Variants in PTK2B observed in about 807,000 individuals in gnomAD.
The protein encoded by PTK2B is protein tyrosine kinase 2 beta, also known as protein-tyrosine kinase 2-beta.
PTK2B carries 71 observed loss-of-function variants against 142.9 expected under a neutral mutation model. The ratio of observed to expected loss-of-function variants is 0.50; its 90% CI spans 0.41 to 0.61. PTK2B has a LOEUF of 0.61. PTK2B is among the 20% of genes least tolerant of loss of function. The pLI is 0.00. For synonymous variants in PTK2B, 519 were observed against 503.4 expected, an observed-to-expected ratio of 1.03 and a Z score of -0.42; for missense variants, 1,105 against 1,320.4, an observed-to-expected ratio of 0.84 and a Z score of 2.53.
intron 30 of PTK2B, among the ~76,000 whole-genome samples, chr8:27,458,009 G>T (rs1224251368): frequency 6.8e-6 from 1 of 147,858 alleles, no homozygotes; most frequent in Non-Finnish European, 1.5e-5. Context: ...GATCAGATTC[G>T]CATTTTAGAA....
chr8:27,362,723 G>A (rs1004502920), intron 1 of PTK2B, among the ~76,000 whole-genome samples: 9 of 151,950 alleles, frequency 5.9e-5, no homozygotes, highest in African/African-American at 1.9e-4. Flanking sequence ...ACCCAGCCTC[G>A]GGAGCCTGTC....
intron 1 of PTK2B, among the ~76,000 whole-genome samples, chr8:27,337,159 A>C (rs1300251158): frequency 6.7e-6 from 1 of 149,968 alleles, no homozygotes; most frequent in Non-Finnish European, 1.5e-5. Context: ...TTTTTTTGAC[A>C]AGAGTCTTGT....
chr8:27,458,138 C>T (rs1219943619), intron 30 of PTK2B, among the ~76,000 whole-genome samples, 156 bp from the exon 31 acceptor site: 6 of 152,130 alleles, frequency 3.9e-5, no homozygotes, highest in Admixed American at 6.5e-5. Flanking sequence ...CGACCCTGCA[C>T]GGGGTGTTGC....
chr8:27,442,778 C>T, intron 21 of PTK2B, 97 bp from the exon 22 acceptor site: 2 of 1,045,048 alleles, frequency 1.9e-6, no homozygotes, highest in Non-Finnish European at 2.9e-6. Flanking sequence ...CAACCTTGCC[C>T]AGGCCTCTCT....
At chr8:27,311,239 A>G, upstream of PTK2B, 1 of 1,521,010 alleles carries the variant, frequency 6.6e-7, no homozygotes, top group Non-Finnish European at 8.8e-7. Context: ...GCTCCATGGC[A>G]CGAGCAGCCG....
intron 2 of PTK2B, among the ~76,000 whole-genome samples, chr8:27,409,698 C>T (rs933468626): frequency 1.3e-5 from 2 of 152,186 alleles, no homozygotes; most frequent in African/African-American, 4.8e-5. Context: ...CTCAGAGTGA[C>T]ACCTTCTTAA....
At chr8:27,331,193 A>G (rs868479933) in intron 1 of PTK2B, among the ~76,000 whole-genome samples, 1 of 152,054 alleles carries the variant, frequency 6.6e-6, no homozygotes, top group African/African-American at 2.4e-5. Flanking sequence ...AATTGGACCA[A>G]TTCTCCCAAT....
At chr8:27,413,358 C>T (rs1809188065) in intron 2 of PTK2B, among the ~76,000 whole-genome samples, 1 of 152,198 alleles carries the variant, frequency 6.6e-6, no homozygotes, top group Non-Finnish European at 1.5e-5. Flanking sequence ...CCATAGACGC[C>T]ATCCAGATTT....
At chr8:27,339,324 G>A (rs1233346307) in intron 1 of PTK2B, among the ~76,000 whole-genome samples, 1 of 152,190 alleles carries the variant, frequency 6.6e-6, no homozygotes, top group East Asian at 1.9e-4. Flanking sequence ...GGTTGCTGAT[G>A]TTTTGTGTGG....
intron 2 of PTK2B, among the ~76,000 whole-genome samples, chr8:27,408,641 C>A (rs1808870696): frequency 6.6e-6 from 1 of 152,198 alleles, no homozygotes; most frequent in East Asian, 1.9e-4. Context: ...AGCCAAAAGC[C>A]TTGGCCCCCA....
chr8:27,395,062 G>A (rs899969475), intron 1 of PTK2B, among the ~76,000 whole-genome samples: 1 of 151,492 alleles, frequency 6.6e-6, no homozygotes, highest in South Asian at 2.1e-4. Context: ...CTGTTTTACA[G>A]TTAACTTTTT....
At chr8:27,433,026 C>T (rs1231138522) in intron 10 of PTK2B, among the ~76,000 whole-genome samples, 2 of 152,116 alleles carry the variant, frequency 1.3e-5, no homozygotes, top group African/African-American at 2.4e-5. Context: ...AGGGTTTCAC[C>T]ATGTTGGCCA....
intron 18 of PTK2B, among the ~76,000 whole-genome samples, chr8:27,438,245 G>A (rs1226242597): frequency 6.6e-6 from 1 of 152,150 alleles, no homozygotes; most frequent in Non-Finnish European, 1.5e-5. Flanking sequence ...GAAGGGACTG[G>A]GCTGGAGCAG....
intron 2 of PTK2B, among the ~76,000 whole-genome samples, chr8:27,411,638 C>T (rs563830929): frequency 1.7e-4 from 26 of 152,306 alleles, no homozygotes; most frequent in African/African-American, 5.5e-4. Context: ...TTCTCACCCT[C>T]GTTTGTATGA....
upstream of PTK2B, chr8:27,322,720 C>T (rs987080536): frequency 6.6e-6 from 1 of 152,180 alleles, no homozygotes; most frequent in Non-Finnish European, 1.5e-5. Flanking sequence ...GTCACAACCT[C>T]TTCCCTCTTG....
At chr8:27,443,027 A>G (rs777922027) in intron 22 of PTK2B, 44 bp downstream of exon 22, 1 of 1,501,920 alleles carries the variant, frequency 6.7e-7, no homozygotes, top group South Asian at 1.1e-5. Flanking sequence ...GTCAAAGCAA[A>G]GCCAGGTCCC....
At chr8:27,347,721 G>A (rs541207204) in intron 1 of PTK2B, among the ~76,000 whole-genome samples, 1 of 152,320 alleles carries the variant, frequency 6.6e-6, no homozygotes, top group South Asian at 2.1e-4. Context: ...CCATTGTGAA[G>A]TACTGGGGGT....
At chr8:27,457,845 G>A (rs1188444731) in intron 30 of PTK2B, among the ~76,000 whole-genome samples, 1 of 152,030 alleles carries the variant, frequency 6.6e-6, no homozygotes, top group East Asian at 1.9e-4. Flanking sequence ...CGTAATTGCA[G>A]GTGCCTGTAA....
In PTK2B at chr8:27,397,528, AC is replaced by A; in HGVS notation, c.-37-17del. ...CCTGTGTGGGGCTCTTTCAGGGCTGACCCTCTGCTGTCTCTGCAGGACTGCA... is the reference window on the plus strand; with the variant it reads ...CCTGTGTGGGGCTCTTTCAGGGCTGACCTCTGCTGTCTCTGCAGGACTGCA... On this transcript the variant is annotated intron_variant, in intron 1 of 30. Transcript: ENST00000346049. The A allele has an allele frequency of 6.3e-7, 1 of 1,584,926 alleles. No homozygotes were observed. The highest frequency in any genetic ancestry group is 8.7e-7 in the Non-Finnish European group (1 of 1,155,858).
Sources: gnomAD v4.1 joint callset for allele counts (sites outside exome capture counted in the v4.1 genomes callset) on GRCh38, gnomAD v4.1.1 for gene constraint, MANE v1.5 for transcripts, NCBI Gene and HGNC (gene_info 2026-07-23, HGNC 2026-07-21) for gene names.